CLCN4: variants seen among roughly 807,000 people sequenced by gnomAD.
CLCN4 encodes the protein Cl-/H+ antiporter 4, also known as H(+)/Cl(-) exchange transporter 4.
A neutral mutation model predicts 41.7 loss-of-function variants in CLCN4; 1 was observed. The observed-to-expected ratio is 0.02, with a 90% confidence interval of 0.01 to 0.11. The LOEUF is 0.11. CLCN4 is among the 10% of genes least tolerant of loss of function. The pLI is 1.00. For missense variants in CLCN4, 287 were observed against 661.0 expected (o/e 0.43, Z 6.20); for synonymous variants, 277 against 285.8 (o/e 0.97, Z 0.31).
At position 10,218,011 on chromosome X, in the gene CLCN4, G is replaced by A. The variant is rs749684035; in HGVS notation, c.1976-2650G>A. On this transcript the variant is annotated intron_variant, in intron 11 of 12. Coordinates refer to ENST00000380833, the MANE Select transcript of CLCN4 (RefSeq NM_001830.4). ...GCCCACCTCAGCCTCCCAAAGTGCT[G>A]GGATTACAGGCATGAGCCACTGTGC... Among the ~76,000 whole-genome samples, 28 of 111,484 alleles carry A rather than the reference G, an allele frequency of 2.5e-4. 1 individual carries two copies. Among genetic ancestry groups the A allele is most frequent in the Admixed American group, 4.8e-4 (5 of 10,485 alleles).
intron 2 of CLCN4, among the ~76,000 whole-genome samples, chrX:10,164,856 C>T (rs1758914384): frequency 8.9e-6 from 1 of 112,506 alleles, no homozygotes; most frequent in Non-Finnish European, 1.9e-5. Context: ...CTCTCTTTCC[C>T]GCTTCTTGTC....
In CLCN4 at chrX:10,178,038, ATACTGCATGATTCCACT is replaced by A. The variant is rs201410291; in HGVS notation, c.-11-6964_-11-6948del. ...GAAGAAGCCAGATGCAAGAGGCCAC[ATACTGCATGATTCCACT>A]TACTGCATGATTCCACTTATACGAA... is the stretch of plus-strand genomic sequence containing the variant. On this transcript the variant is annotated intron_variant, in intron 2 of 12. Coordinates refer to ENST00000380833, the MANE Select transcript of CLCN4 (RefSeq NM_001830.4). 5.5e-3 allele frequency among the ~76,000 whole-genome samples: 616 copies of A among 112,207 alleles called. 18 individuals are homozygous for A. The highest frequency in any genetic ancestry group is 0.043 in the Admixed American group (453 of 10,573).
intron 2 of CLCN4, among the ~76,000 whole-genome samples, chrX:10,172,254 C>T (rs920800914): frequency 8.0e-5 from 9 of 112,220 alleles, no homozygotes; most frequent in African/African-American, 2.9e-4. Context: ...AGCCTTTTCC[C>T]TCGGGAGTCA....
chrX:10,195,172 T>G (rs1367084942), intron 5 of CLCN4, 74 bp downstream of exon 5: 2 of 1,006,870 alleles, frequency 2.0e-6, no homozygotes, highest in African/African-American at 1.9e-5. Context: ...GCTGGGAGAT[T>G]TGTGAATGTC....
chrX:10,182,865 G>T (rs914034003), intron 2 of CLCN4, among the ~76,000 whole-genome samples: 4 of 112,577 alleles, frequency 3.6e-5, no homozygotes, highest in Non-Finnish European at 5.6e-5. Context: ...AAAGTTTAAA[G>T]ATATGATTGC....
intron 4 of CLCN4, among the ~76,000 whole-genome samples, chrX:10,188,853 G>T (rs1371927034): frequency 3.6e-5 from 4 of 112,067 alleles, no homozygotes; most frequent in Non-Finnish European, 5.6e-5. Flanking sequence ...CGGAGGAGGG[G>T]CTTGGTTGCC....
At chrX:10,164,819 G>A (rs1225336078) in intron 2 of CLCN4, among the ~76,000 whole-genome samples, 1 of 112,362 alleles carries the variant, frequency 8.9e-6, no homozygotes, top group Non-Finnish European at 1.9e-5. Context: ...AAATGGCCAT[G>A]CACATTCCCA....
chrX:10,180,319 C>A (rs1923641876), intron 2 of CLCN4, among the ~76,000 whole-genome samples: 1 of 111,600 alleles, frequency 9.0e-6, no homozygotes, highest in African/African-American at 3.3e-5. Context: ...TCTCCTTGAA[C>A]CTGGGTGGGA....
intron 5 of CLCN4, among the ~76,000 whole-genome samples, chrX:10,197,055 C>T (rs1335747364): frequency 8.9e-6 from 1 of 111,800 alleles, no homozygotes; most frequent in Non-Finnish European, 1.9e-5. Context: ...CTGTCCATGG[C>T]CTGACTTGTA....
chrX:10,182,579 C>A (rs770829031), intron 2 of CLCN4, among the ~76,000 whole-genome samples: 74 of 112,809 alleles, frequency 6.6e-4, no homozygotes, highest in Non-Finnish European at 1.1e-3. Context: ...GTGCCTGCCA[C>A]CACACCTGGC....
At chrX:10,161,774 A>G (rs766179789) in intron 2 of CLCN4, among the ~76,000 whole-genome samples, 2 of 111,205 alleles carry the variant, frequency 1.8e-5, no homozygotes, top group Non-Finnish European at 3.8e-5. Context: ...TACGTCTAGC[A>G]AGGGGTGGGG....
At chrX:10,201,414 A>G in intron 6 of CLCN4, among the ~76,000 whole-genome samples, 1 of 112,458 alleles carries the variant, frequency 8.9e-6, no homozygotes, top group East Asian at 2.8e-4. Context: ...TCTTCATGTT[A>G]CTATAGTAGA....
chrX:10,159,639 A>C (rs1251086319), intron 2 of CLCN4, among the ~76,000 whole-genome samples: 1 of 111,512 alleles, frequency 9.0e-6, no homozygotes, highest in East Asian at 2.8e-4. Flanking sequence ...GGGGCCTGTA[A>C]AGCAATGCTA....
intron 1 of CLCN4, among the ~76,000 whole-genome samples, 154 bp downstream of exon 1, chrX:10,157,254 C>T (rs1191079565): frequency 8.9e-6 from 1 of 112,221 alleles, no homozygotes. Context: ...GATTAACCTT[C>T]TGAACAGAAA....
intron 4 of CLCN4, among the ~76,000 whole-genome samples, chrX:10,191,691 A>ATT: frequency 1.6e-5 from 1 of 63,283 alleles, no homozygotes; most frequent in Non-Finnish European, 2.8e-5. Context: ...ATATCTGGTT[A>ATT]ATTTTTTTTT....
chrX:10,187,858 G>A (rs1923855752), intron 4 of CLCN4, among the ~76,000 whole-genome samples: 1 of 112,666 alleles, frequency 8.9e-6, no homozygotes, highest in Non-Finnish European at 1.9e-5. Flanking sequence ...GAGCTGTGAC[G>A]ATAGAGCTGG....
At chrX:10,163,563 C>T (rs140532987) in intron 2 of CLCN4, among the ~76,000 whole-genome samples, 1,335 of 110,173 alleles carry the variant, frequency 0.012, 22 homozygotes, top group East Asian at 0.1. Context: ...CGCACCACCA[C>T]GCCTGGCTAA....
chrX:10,175,265 G>A (rs944626467), intron 2 of CLCN4, among the ~76,000 whole-genome samples: 3 of 111,669 alleles, frequency 2.7e-5, no homozygotes, highest in Non-Finnish European at 5.6e-5. Context: ...TGGTAGGTTT[G>A]GGAGGGTTGT....
chrX:10,231,492 T>C (rs1163494463), intron 12 of CLCN4, among the ~76,000 whole-genome samples: 1 of 111,735 alleles, frequency 8.9e-6, no homozygotes, highest in African/African-American at 3.3e-5. Context: ...GTTTCCTGCC[T>C]TGTTGTTGTT....
Sources: gnomAD v4.1 joint callset for allele counts (sites outside exome capture counted in the v4.1 genomes callset) on GRCh38, gnomAD v4.1.1 for gene constraint, MANE v1.5 for transcripts, NCBI Gene and HGNC (gene_info 2026-07-23, HGNC 2026-07-21) for gene names.